Variants in SCMH1 observed in about 807,000 individuals in gnomAD.
The protein encoded by SCMH1 is Scm polycomb group protein homolog 1.
In SCMH1, 37 loss-of-function variants were observed where a neutral mutation model predicts 70.8. That is an observed-to-expected ratio of 0.52 (90% CI 0.40 to 0.69). The LOEUF (loss-of-function observed/expected upper bound fraction) is 0.69, where lower values mean the gene tolerates loss of function less well. Ranked by LOEUF, SCMH1 falls within the 30% of genes least tolerant of loss-of-function variation. The probability of loss-of-function intolerance (pLI) is 0.00; values close to 1 mark genes in which losing one functional copy is unlikely to be tolerated. For synonymous variants in SCMH1, 292 were observed against 307.4 expected (o/e 0.95, Z 0.52); for missense variants, 607 against 827.3 (o/e 0.73, Z 3.27).
intron 8 of SCMH1, among the ~76,000 whole-genome samples, chr1:41,111,050 C>T (rs1317221068): frequency 6.6e-6 from 1 of 152,172 alleles, no homozygotes; most frequent in Admixed American, 6.5e-5. Context: ...TATTGAGCAT[C>T]TTAAGTGCTT....
At position 41,202,515 on chromosome 1, in the gene SCMH1, T is replaced by C. The variant is rs12046242; in HGVS notation, c.-117-16265A>G. Among the ~76,000 whole-genome samples, 140 of 152,344 alleles carry C rather than the reference T, an allele frequency of 9.2e-4. 2 individuals carry two copies. The East Asian group carries it at 0.025, about 27-fold the overall frequency. Reference sequence around the variant, plus strand: ...CGTGGTAGACTTTACTGTACTTTTATATGGTAGTACCATACTATTTAATAG... The same window carrying C: ...CGTGGTAGACTTTACTGTACTTTTACATGGTAGTACCATACTATTTAATAG... On this transcript the variant is annotated intron_variant, in intron 1 of 14. Transcript: ENST00000337495.
At chr1:41,098,540 G>C (rs1423208887) in intron 8 of SCMH1, 2 of 152,202 alleles carry the variant, frequency 1.3e-5, no homozygotes, top group Non-Finnish European at 2.9e-5. Flanking sequence ...GGGAGGTTAA[G>C]TGAAGTGACA....
intron 4 of SCMH1, among the ~76,000 whole-genome samples, chr1:41,157,513 T>C (rs540809410): frequency 6.6e-6 from 1 of 152,294 alleles, no homozygotes; most frequent in Admixed American, 6.5e-5. Context: ...AGGGTCCCTC[T>C]GAAAAGACAC....
chr1:41,215,337 G>A (rs1370796978), intron 1 of SCMH1, among the ~76,000 whole-genome samples: 1 of 152,014 alleles, frequency 6.6e-6, no homozygotes, highest in Non-Finnish European at 1.5e-5. Flanking sequence ...TCTTTCAATG[G>A]ATCCATGTAC....
intron 8 of SCMH1, among the ~76,000 whole-genome samples, chr1:41,087,404 G>C (rs1481779725): frequency 6.6e-6 from 1 of 151,182 alleles, no homozygotes; most frequent in Admixed American, 6.6e-5. Context: ...AAATATTTAC[G>C]ATATATGTTA....
chr1:41,113,719 T>C lies in SCMH1; in HGVS notation c.502-193A>G, dbSNP rs1437442961. 6.6e-6 allele frequency among the ~76,000 whole-genome samples: 1 copy of C among 152,200 alleles called. No individual in the cohort carries two copies. Among genetic ancestry groups the C allele is most frequent in the Non-Finnish European group, 1.5e-5 (1 of 68,034 alleles). ...GTATTACTTTATTAATCCTAACATT[T>C]TGACAACTTTGCTTCAGATTTTTTA... is the stretch of plus-strand genomic sequence containing the variant. On this transcript the variant is annotated intron_variant, in intron 7 of 14. Transcript: ENST00000337495. The surrounding 1 kb of genome is among the most constrained non-coding windows in gnomAD (Gnocchi z 4.3).
At chr1:41,049,363 C>A (rs1022643689) in intron 10 of SCMH1, among the ~76,000 whole-genome samples, 2 of 151,090 alleles carry the variant, frequency 1.3e-5, no homozygotes, top group African/African-American at 4.9e-5. Context: ...ATAGTTGCAC[C>A]ATTGATCATT....
At chr1:41,118,747 A>T (rs764530636) in intron 6 of SCMH1, among the ~76,000 whole-genome samples, 3 of 152,236 alleles carry the variant, frequency 2.0e-5, no homozygotes, top group Non-Finnish European at 4.4e-5. Flanking sequence ...TTCCAATTAG[A>T]GCCCCAAGTG....
In SCMH1 at chr1:41,240,829, C is replaced by T. The variant is rs1157998130; in HGVS notation, c.-118+1230G>A. Among the ~76,000 whole-genome samples the T allele has an allele frequency of 2.6e-5, 4 of 151,548 alleles. No homozygotes were observed. The South Asian group carries it at 8.3e-4, about 32-fold the overall frequency. ...GTACTTTTGATTTAAGCAGGTCAATCCTTGGGGCTGTTTCTTAGAGAAACT... is the reference window on the plus strand; with the variant it reads ...GTACTTTTGATTTAAGCAGGTCAATTCTTGGGGCTGTTTCTTAGAGAAACT... On this transcript the variant is annotated intron_variant, in intron 1 of 14. Coordinates refer to ENST00000337495, the Ensembl canonical transcript of SCMH1.
intron 1 of SCMH1, among the ~76,000 whole-genome samples, chr1:41,219,040 A>G (rs1227179694): frequency 1.3e-5 from 2 of 148,374 alleles, no homozygotes; most frequent in Non-Finnish European, 2.9e-5. Flanking sequence ...GAACCAGCCC[A>G]ACCTCTGGGG....
At chr1:41,118,295 C>T (rs998873474) in intron 6 of SCMH1, among the ~76,000 whole-genome samples, 2 of 152,074 alleles carry the variant, frequency 1.3e-5, no homozygotes, top group African/African-American at 2.4e-5. Context: ...ACAAGTACTA[C>T]AGAACACATA....
chr1:41,078,812 C>T (rs555743324), intron 8 of SCMH1, among the ~76,000 whole-genome samples: 1 of 152,160 alleles, frequency 6.6e-6, no homozygotes, highest in Non-Finnish European at 1.5e-5. Flanking sequence ...GAAGGACATT[C>T]CAAATGGAAA....
At chr1:41,055,377 TCTCA>T (rs1480213169) in intron 10 of SCMH1, among the ~76,000 whole-genome samples, 2 of 151,598 alleles carry the variant, frequency 1.3e-5, no homozygotes, top group African/African-American at 4.8e-5. Context: ...TGAGATGGAG[TCTCA>T]CTCTGTCGCC....
chr1:41,057,320 C>A (rs1272397678), intron 10 of SCMH1, among the ~76,000 whole-genome samples: 1 of 152,262 alleles, frequency 6.6e-6, no homozygotes, highest in East Asian at 1.9e-4. Context: ...GGCCGGAGTG[C>A]AGTGGCATGA....
At chr1:41,049,974 T>C (rs1319646870) in intron 10 of SCMH1, among the ~76,000 whole-genome samples, 11 of 151,686 alleles carry the variant, frequency 7.3e-5, no homozygotes, top group Admixed American at 7.2e-4. Context: ...GAGAACTGCT[T>C]GAGCCCAGGA....
chr1:41,031,650 C>T (rs1323011408), intron 13 of SCMH1, among the ~76,000 whole-genome samples: 1 of 152,160 alleles, frequency 6.6e-6, no homozygotes, highest in Non-Finnish European at 1.5e-5. Flanking sequence ...CCAGTCACTT[C>T]TCCCTGTCTT....
At chr1:41,142,098 C>T (rs1340326215) in intron 6 of SCMH1, among the ~76,000 whole-genome samples, 1 of 152,036 alleles carries the variant, frequency 6.6e-6, no homozygotes, top group East Asian at 1.9e-4. Flanking sequence ...TTTTTCTCTA[C>T]CTTTTTATAT....
intron 2 of SCMH1, among the ~76,000 whole-genome samples, chr1:41,166,617 G>A (rs186891743): frequency 7.2e-5 from 11 of 151,772 alleles, no homozygotes; most frequent in Non-Finnish European, 1.5e-4. Context: ...ATTGTAAATG[G>A]GATTGTTTTC....
intron 10 of SCMH1, among the ~76,000 whole-genome samples, chr1:41,049,334 G>GTGTGTT (rs1229714800): frequency 1.3e-5 from 2 of 151,988 alleles, no homozygotes; most frequent in Non-Finnish European, 2.9e-5. Flanking sequence ...GTGTGTGTAT[G>GTGTGTT]TATGTCATTG....
Sources: allele counts gnomAD v4.1 joint callset (sites outside exome capture counted in the v4.1 genomes callset), GRCh38; gene constraint gnomAD v4.1.1; non-coding constraint Gnocchi (gnomAD v3.1); transcripts MANE v1.5; gene names NCBI Gene and HGNC (gene_info 2026-07-23, HGNC 2026-07-21).